CHEK1: variants seen among roughly 807,000 people sequenced by gnomAD.
The protein encoded by CHEK1 is checkpoint kinase 1, also known as serine/threonine-protein kinase Chk1.
In CHEK1, 32 loss-of-function variants were observed where a neutral mutation model predicts 60.2. The observed-to-expected ratio is 0.53, with a 90% CI of 0.40 to 0.71. The LOEUF is 0.71. CHEK1 is among the 30% of genes least tolerant of loss of function. The pLI is 0.00. For synonymous variants in CHEK1, 179 were observed against 187.2 expected (o/e 0.96, Z 0.36); for missense variants, 399 against 564.6 (o/e 0.71, Z 2.97).
At chr11:125,661,051 C>A (rs180812051), downstream of CHEK1, among the ~76,000 whole-genome samples, 90 of 152,264 alleles carry the variant, frequency 5.9e-4, 1 homozygote, top group Admixed American at 5.7e-3. Flanking sequence ...GCTGGGATTA[C>A]AAGCGTGAGC....
At chr11:125,668,217 C>A (rs1450059808) in intron 13 of CHEK1, among the ~76,000 whole-genome samples, 1 of 152,118 alleles carries the variant, frequency 6.6e-6, no homozygotes, top group Admixed American at 6.5e-5. Flanking sequence ...GTGTTCAAAC[C>A]CAGATCATGC....
chr11:125,635,788 T>C, intron 7 of CHEK1: 1 of 230,646 alleles, frequency 4.3e-6, no homozygotes, highest in Admixed American at 5.6e-5. Context: ...GATGGCTTTT[T>C]ACTTAAAGTT....
chr11:125,643,660 A>G (rs1192061334), intron 8 of CHEK1, 132 bp from the exon 9 acceptor site: 1 of 640,438 alleles, frequency 1.6e-6, no homozygotes, highest in East Asian at 2.8e-5. Context: ...TTTGTTTTAT[A>G]TCTTACAAAA....
chr11:125,631,016 G>A (rs1177232695), intron 5 of CHEK1, among the ~76,000 whole-genome samples: 1 of 152,144 alleles, frequency 6.6e-6, no homozygotes, highest in African/African-American at 2.4e-5. Flanking sequence ...GTCTGATTCT[G>A]TTTATACAAA....
chr11:125,654,890 T>C (rs2136065257), intron 12 of CHEK1, among the ~76,000 whole-genome samples: 1 of 152,356 alleles, frequency 6.6e-6, no homozygotes, highest in South Asian at 2.1e-4. Flanking sequence ...TTGTATAGTT[T>C]ATTGTTAGTT....
chr11:125,638,761 C>T (rs531681676), intron 8 of CHEK1, among the ~76,000 whole-genome samples: 4 of 152,132 alleles, frequency 2.6e-5, no homozygotes, highest in Non-Finnish European at 4.4e-5. Context: ...AAATTTCTGC[C>T]GTACTATCAC....
In CHEK1 at chr11:125,656,424, G is replaced by T. The variant is rs560443248; in HGVS notation, c.*1104G>T. ...TTTAATCTGAAGCCAAGAACATGTA[G>T]AATGTTATGATTAGAGTTTATCACA... On this transcript the variant is annotated 3_prime_UTR_variant, in exon 13 of 13. Transcript: ENST00000438015. 1.9e-5 allele frequency: 4 copies of T among 211,024 alleles called. No individual in the cohort carries two copies. In the East Asian group the frequency reaches 2.9e-4, roughly 15 times the overall value. The allele number at this position is 211,024 out of a possible 1,614,324, so 13.1% of individuals were successfully genotyped here. A position where few individuals can be genotyped will look rare whatever the true frequency, so the allele number is the denominator to read the frequency against.
At chr11:125,626,715 C>T (rs1940628685) in intron 1 of CHEK1, 34 bp from the exon 2 acceptor site, 2 of 1,602,760 alleles carry the variant, frequency 1.2e-6, no homozygotes, top group Non-Finnish European at 1.7e-6. Flanking sequence ...TGATCTTACA[C>T]TCTACATCTT....
At chr11:125,677,797 C>T (rs2134124970), downstream of CHEK1, 1 of 1,614,132 alleles carries the variant, frequency 6.2e-7, no homozygotes, top group East Asian at 2.2e-5. Flanking sequence ...CATGGCTCAC[C>T]TGTAGATGTG....
At chr11:125,672,415 A>G (rs1251707091) in intron 13 of CHEK1, 2 of 696,238 alleles carry the variant, frequency 2.9e-6, no homozygotes, top group Admixed American at 2.9e-5. Context: ...CAGGACAGAG[A>G]AGAATGGATA....
downstream of CHEK1, among the ~76,000 whole-genome samples, chr11:125,657,997 T>A (rs937597460): frequency 6.6e-6 from 1 of 152,250 alleles, no homozygotes; most frequent in Non-Finnish European, 1.5e-5. Context: ...AGCAACAGAA[T>A]GTATTTCTAG....
chr11:125,645,100 CT>C (rs1009602326), intron 11 of CHEK1, among the ~76,000 whole-genome samples: 32 of 152,034 alleles, frequency 2.1e-4, no homozygotes, highest in South Asian at 1.0e-3. Context: ...AGAAATAATA[CT>C]TTTTTTTATT....
chr11:125,647,117 C>G (rs867083365), intron 11 of CHEK1, among the ~76,000 whole-genome samples: 1 of 152,108 alleles, frequency 6.6e-6, no homozygotes, highest in African/African-American at 2.4e-5. Flanking sequence ...GGACTACAGT[C>G]TTAAAGTTTA....
chr11:125,659,555 G>C (rs1300256345), downstream of CHEK1, among the ~76,000 whole-genome samples: 1 of 151,588 alleles, frequency 6.6e-6, no homozygotes, highest in Non-Finnish European at 1.5e-5. Flanking sequence ...TTCTAATATT[G>C]TTATGACTTT....
chr11:125,626,729 T>C lies in CHEK1; in HGVS notation c.-20-20T>C, dbSNP rs762669601. The C allele has an allele frequency of 6.2e-7, 1 of 1,612,544 alleles. No individual in the cohort carries two copies. Among genetic ancestry groups the C allele is most frequent in the African/African-American group, 1.3e-5 (1 of 74,996 alleles). On this transcript the variant is annotated intron_variant, in intron 1 of 12. Coordinates refer to ENST00000438015, the MANE Select transcript of CHEK1 (RefSeq NM_001114122.3). ...GTGATCTTACACTCTACATCTTTTCTGGATTCCTGCCTTTTACAGCCGAGG... is the reference window on the plus strand; with the variant it reads ...GTGATCTTACACTCTACATCTTTTCCGGATTCCTGCCTTTTACAGCCGAGG...
At chr11:125,629,715 A>G (rs1940788639) in intron 5 of CHEK1, among the ~76,000 whole-genome samples, 1 of 146,124 alleles carries the variant, frequency 6.8e-6, no homozygotes, top group Non-Finnish European at 1.5e-5. Context: ...AGCTCACTAT[A>G]TGTATAAGAA....
chr11:125,631,226 T>C (rs565523304), intron 5 of CHEK1, among the ~76,000 whole-genome samples: 1 of 152,242 alleles, frequency 6.6e-6, no homozygotes, highest in East Asian at 1.9e-4. Flanking sequence ...GTTTATTACA[T>C]TGTTATTCTT....
intron 5 of CHEK1, among the ~76,000 whole-genome samples, chr11:125,632,017 C>G (rs1468449034): frequency 6.6e-6 from 1 of 151,946 alleles, no homozygotes; most frequent in Non-Finnish European, 1.5e-5. Context: ...TTGTTTCTAA[C>G]TTATAAAATA....
intron 3 of CHEK1, among the ~76,000 whole-genome samples, chr11:125,628,300 A>C (rs575245771): frequency 6.6e-6 from 1 of 152,190 alleles, no homozygotes; most frequent in Non-Finnish European, 1.5e-5. Flanking sequence ...AGTAAATTCT[A>C]TGTTTGCTAT....
Sources: gnomAD v4.1 joint callset for allele counts (sites outside exome capture counted in the v4.1 genomes callset) on GRCh38, gnomAD v4.1.1 for gene constraint, MANE v1.5 for transcripts, NCBI Gene and HGNC (gene_info 2026-07-23, HGNC 2026-07-21) for gene names.